Variants in ACTR3C observed in about 807,000 individuals in gnomAD.
ACTR3C encodes the protein actin-related protein 3C.
ACTR3C carries 18 observed loss-of-function variants against 26.3 expected under a neutral mutation model. That is an observed-to-expected ratio of 0.68 (90% CI 0.47 to 1.01). The LOEUF is 1.01. Among genes scored for constraint, ACTR3C ranks in the 50% least tolerant of loss-of-function variants. The probability of loss-of-function intolerance (pLI) is 0.00; values close to 1 mark genes in which losing one functional copy is unlikely to be tolerated. For missense variants in ACTR3C, 184 were observed against 250.7 expected, an observed-to-expected ratio of 0.73 and a Z score of 1.80; for synonymous variants, 55 against 94.5, an observed-to-expected ratio of 0.58 and a Z score of 2.42.
the ACTR3C span, among the ~76,000 whole-genome samples, chr7:150,159,457 G>A: frequency 6.6e-6 from 1 of 152,124 alleles, no homozygotes; most frequent in African/African-American, 2.4e-5. Context: ...AGGCAAAGGC[G>A]GAAGGTATTT....
chr7:149,958,027 C>T, the ACTR3C span, among the ~76,000 whole-genome samples: 21 of 152,158 alleles, frequency 1.4e-4, no homozygotes, highest in African/African-American at 4.8e-4. Flanking sequence ...TGCTAAGTAC[C>T]AGGAGGCTTC....
chr7:149,996,190 G>C, the ACTR3C span, among the ~76,000 whole-genome samples: 1 of 152,276 alleles, frequency 6.6e-6, no homozygotes, highest in Admixed American at 6.5e-5. Context: ...AGAGCAGATG[G>C]TCTTGCCCCG....
At chr7:150,109,581 C>G in the ACTR3C span, among the ~76,000 whole-genome samples, 1 of 149,924 alleles carries the variant, frequency 6.7e-6, no homozygotes, top group South Asian at 2.1e-4. Context: ...GCCTTTACGG[C>G]ATAAGGGAGC....
the ACTR3C span, among the ~76,000 whole-genome samples, chr7:150,054,736 T>C: frequency 2.8e-4 from 42 of 152,252 alleles, no homozygotes; most frequent in African/African-American, 9.4e-4. Context: ...GCCAAATCAA[T>C]GCATGAAAAA....
chr7:150,110,489 C>G, the ACTR3C span, among the ~76,000 whole-genome samples: 2 of 116,512 alleles, frequency 1.7e-5, no homozygotes, highest in Non-Finnish European at 3.5e-5. Context: ...GAGATTCACT[C>G]TGGCTGGAGG....
chr7:150,245,749 A>G (rs1832429158), downstream of ACTR3C: 1 of 152,196 alleles, frequency 6.6e-6, no homozygotes, highest in Admixed American at 6.5e-5. Flanking sequence ...TGACTGTCAT[A>G]TTTGCAATAC....
intron 1 of ACTR3C, 187 bp downstream of exon 1, chr7:150,323,282 G>C (rs529141381): frequency 4.0e-6 from 1 of 250,394 alleles, no homozygotes; most frequent in East Asian, 1.8e-4. Flanking sequence ...GCTTCCGGAA[G>C]TAACCCCTGG....
chr7:149,999,407 C>T, the ACTR3C span, among the ~76,000 whole-genome samples: 50 of 150,688 alleles, frequency 3.3e-4, 3 homozygotes, highest in East Asian at 8.5e-4. Context: ...GCTCGCAGCA[C>T]GGCGGGAGAG....
At chr7:150,284,109 A>G (rs913232270) in intron 6 of ACTR3C, among the ~76,000 whole-genome samples, 1 of 152,212 alleles carries the variant, frequency 6.6e-6, no homozygotes, top group African/African-American at 2.4e-5. Context: ...CCAAATATGC[A>G]TGAAACGAAA....
At chr7:150,032,389 T>C in the ACTR3C span, among the ~76,000 whole-genome samples, 5 of 152,182 alleles carry the variant, frequency 3.3e-5, no homozygotes, top group African/African-American at 4.8e-5. Context: ...ATTCCCTCCC[T>C]GGCCAGTCCT....
chr7:149,900,144 C>T, the ACTR3C span, among the ~76,000 whole-genome samples: 2 of 149,794 alleles, frequency 1.3e-5, no homozygotes, highest in Non-Finnish European at 1.5e-5. Flanking sequence ...TCAGGCAGTC[C>T]ATTATTTTTG....
chr7:150,282,131 T>C (rs1282730034), intron 6 of ACTR3C, among the ~76,000 whole-genome samples: 5 of 142,926 alleles, frequency 3.5e-5, no homozygotes, highest in African/African-American at 1.4e-4. Context: ...CCACCAAACA[T>C]TCTATCACCC....
chr7:150,101,142 C>T, the ACTR3C span, among the ~76,000 whole-genome samples: 1 of 151,568 alleles, frequency 6.6e-6, no homozygotes, highest in Admixed American at 6.6e-5. Context: ...AGTGAGCACT[C>T]GGCAAGTACT....
intron 6 of ACTR3C, among the ~76,000 whole-genome samples, chr7:150,257,291 T>C (rs1450894948): frequency 3.9e-5 from 6 of 152,148 alleles, no homozygotes; most frequent in Admixed American, 2.6e-4. Context: ...TCATATCTCC[T>C]ACAGTGGAAG....
chr7:150,036,169 C>CCCT, the ACTR3C span, among the ~76,000 whole-genome samples: 2 of 75,588 alleles, frequency 2.6e-5, no homozygotes, highest in South Asian at 8.5e-4. Context: ...CCTCCCCCCC[C>CCCT]GCGATGGGAG....
chr7:150,025,965 C>T, the ACTR3C span, among the ~76,000 whole-genome samples: 4 of 152,118 alleles, frequency 2.6e-5, no homozygotes, highest in African/African-American at 7.3e-5. Flanking sequence ...TCGCTGACTG[C>T]GAGGCCTTCG....
At chr7:149,884,950 C>T in the ACTR3C span, among the ~76,000 whole-genome samples, 3 of 152,134 alleles carry the variant, frequency 2.0e-5, no homozygotes, top group Admixed American at 6.5e-5. Context: ...CTGAAGCCCT[C>T]GAAGACAGGA....
chr7:150,308,207 CCT>C (rs1235480603), intron 1 of ACTR3C, among the ~76,000 whole-genome samples: 1 of 152,088 alleles, frequency 6.6e-6, no homozygotes, highest in Non-Finnish European at 1.5e-5. Flanking sequence ...GTCTCTACCC[CCT>C]CTTTTCTTGG....
chr7:150,116,475 C>G, the ACTR3C span, among the ~76,000 whole-genome samples: 8 of 152,034 alleles, frequency 5.3e-5, no homozygotes, highest in African/African-American at 1.7e-4. Context: ...TTCTTTAGGC[C>G]CTCCTGTGAA....
Sources: gnomAD v4.1 joint callset for allele counts (sites outside exome capture counted in the v4.1 genomes callset) on GRCh38, gnomAD v4.1.1 for gene constraint, MANE v1.5 for transcripts, NCBI Gene and HGNC (gene_info 2026-07-23, HGNC 2026-07-21) for gene names.